Variants in KCNH8 observed in about 807,000 individuals in gnomAD.
KCNH8 encodes the protein voltage-gated delayed rectifier potassium channel KCNH8.
Under a neutral mutation model 103.6 loss-of-function variants are expected in KCNH8, and 70 were observed. That is an observed-to-expected ratio of 0.68 (90% CI 0.56 to 0.82). The LOEUF is 0.82. Ranked by LOEUF, KCNH8 falls within the 40% of genes least tolerant of loss-of-function variation. KCNH8 has a pLI of 0.00. For missense variants in KCNH8, 1,217 were observed against 1,329.9 expected, an observed-to-expected ratio of 0.92 and a Z score of 1.32; for synonymous variants, 498 against 489.4, an observed-to-expected ratio of 1.02 and a Z score of -0.23.
chr3:19,452,849 C>T (rs1310286601), intron 10 of KCNH8, among the ~76,000 whole-genome samples: 1 of 152,072 alleles, frequency 6.6e-6, no homozygotes, highest in African/African-American at 2.4e-5. Flanking sequence ...TTCAGCATTC[C>T]TTCCATGTCT....
chr3:19,149,714 T>G (rs2063110638), intron 1 of KCNH8, among the ~76,000 whole-genome samples: 2 of 152,174 alleles, frequency 1.3e-5, no homozygotes, highest in African/African-American at 4.8e-5. Context: ...CTCAGTTGGT[T>G]TCACTACGAA....
intron 1 of KCNH8, among the ~76,000 whole-genome samples, chr3:19,206,640 G>A (rs113522156): frequency 0.02 from 2,992 of 152,006 alleles, 95 homozygotes; most frequent in African/African-American, 0.067. Flanking sequence ...AGGATTTTGA[G>A]CAATATTTCT....
rs549246089 is a variant in KCNH8 at position 19,533,608 on chromosome 3, A to G, written c.2833A>G (p.Thr945Ala). The G allele has an allele frequency of 1.9e-6, 3 of 1,614,116 alleles. No individual in the cohort carries two copies. Among genetic ancestry groups the G allele is most frequent in the African/African-American group, 2.7e-5 (2 of 75,032 alleles). The change falls in exon 16 of 16, where the codon ACC becomes GCC. Residue 945 changes from threonine (T) to alanine (A), a missense_variant. Thr to Ala is a moderately conservative substitution (Grantham distance 58, BLOSUM62 0). Around this residue, in one of 3 missense-constraint regions of KCNH8, gnomAD observed 558 missense variants for 495.8 expected, o/e 1.13. Transcript: ENST00000328405. ...CTTGCAAACAGGCGGGGCTGCTTAT[A>G]CCCAAGCACAACTTTGTAGCAGTAA... is the stretch of plus-strand genomic sequence containing the variant. ...LHLQTGGAAY[T>A]QAQLCSSNIT...
chr3:19,499,317 A>G (rs1043055659), intron 11 of KCNH8, among the ~76,000 whole-genome samples: 4 of 152,330 alleles, frequency 2.6e-5, no homozygotes, highest in African/African-American at 4.8e-5. Flanking sequence ...CGTCTGATTG[A>G]TGTACCTGAA....
chr3:19,206,529 T>G (rs111631836), intron 1 of KCNH8, among the ~76,000 whole-genome samples: 2,981 of 151,838 alleles, frequency 0.02, 96 homozygotes, highest in African/African-American at 0.067. Context: ...GATAATGACA[T>G]AGTTAGTTTT....
At chr3:19,229,522 C>A (rs2063969124) in intron 1 of KCNH8, among the ~76,000 whole-genome samples, 1 of 152,244 alleles carries the variant, frequency 6.6e-6, no homozygotes, top group African/African-American at 2.4e-5. Flanking sequence ...TACATTGGCT[C>A]CTTTCAGCCA....
At chr3:19,360,019 T>A (rs1437232156) in intron 5 of KCNH8, among the ~76,000 whole-genome samples, 2 of 151,918 alleles carry the variant, frequency 1.3e-5, no homozygotes, top group African/African-American at 4.8e-5. Context: ...AAAACATACA[T>A]ATAAGAGTTA....
At chr3:19,469,758 C>G (rs992319280) in intron 11 of KCNH8, among the ~76,000 whole-genome samples, 2 of 152,158 alleles carry the variant, frequency 1.3e-5, no homozygotes, top group African/African-American at 4.8e-5. Flanking sequence ...AAATAAAGAT[C>G]AATTTGGACT....
At chr3:19,481,160 A>C (rs2068079000) in intron 11 of KCNH8, among the ~76,000 whole-genome samples, 1 of 152,080 alleles carries the variant, frequency 6.6e-6, no homozygotes, top group Admixed American at 6.6e-5. Flanking sequence ...TCAAGACTTC[A>C]TTGATTTTGT....
intron 7 of KCNH8, among the ~76,000 whole-genome samples, chr3:19,429,949 G>A (rs751403121): frequency 3.9e-5 from 6 of 152,056 alleles, no homozygotes; most frequent in African/African-American, 7.2e-5. Flanking sequence ...CTACATTTTC[G>A]TTATCCAGTC....
At chr3:19,405,695 A>G (rs1397545261) in intron 7 of KCNH8, among the ~76,000 whole-genome samples, 3 of 151,912 alleles carry the variant, frequency 2.0e-5, no homozygotes, top group African/African-American at 7.2e-5. Flanking sequence ...TAATAGAACA[A>G]TTCTTAACCT....
chr3:19,504,166 T>C (rs916883004), intron 11 of KCNH8, among the ~76,000 whole-genome samples: 3 of 152,078 alleles, frequency 2.0e-5, no homozygotes, highest in Admixed American at 6.6e-5. Context: ...TGGACCCCTT[T>C]CTTTCACCAT....
chr3:19,447,527 A>G (rs2067380471), intron 8 of KCNH8, among the ~76,000 whole-genome samples: 1 of 152,058 alleles, frequency 6.6e-6, no homozygotes, highest in African/African-American at 2.4e-5. Flanking sequence ...GTGTTAAAAT[A>G]AATGAAACAG....
At chr3:19,258,115 T>C (rs575127328) in intron 2 of KCNH8, among the ~76,000 whole-genome samples, 1 of 152,184 alleles carries the variant, frequency 6.6e-6, no homozygotes, top group South Asian at 2.1e-4. Context: ...GTAAAGACCC[T>C]ATCTTCAAAA....
At chr3:19,345,472 C>T (rs1273924468) in intron 4 of KCNH8, among the ~76,000 whole-genome samples, 1 of 152,028 alleles carries the variant, frequency 6.6e-6, no homozygotes, top group Admixed American at 6.6e-5. Context: ...GGAGGTTAAA[C>T]ATCTAAAACA....
chr3:19,501,860 T>G (rs921208642), intron 11 of KCNH8, among the ~76,000 whole-genome samples: 5 of 152,092 alleles, frequency 3.3e-5, no homozygotes, highest in African/African-American at 7.2e-5. Flanking sequence ...CTTTGAAAAC[T>G]GGCACAAGAC....
At chr3:19,471,115 G>T (rs895043605) in intron 11 of KCNH8, among the ~76,000 whole-genome samples, 1 of 152,160 alleles carries the variant, frequency 6.6e-6, no homozygotes, top group Non-Finnish European at 1.5e-5. Flanking sequence ...GGGAAAGGGA[G>T]AGAAAGAAAA....
chr3:19,526,801 T>C (rs906091734), intron 15 of KCNH8, among the ~76,000 whole-genome samples: 5 of 151,986 alleles, frequency 3.3e-5, no homozygotes, highest in African/African-American at 1.2e-4. Flanking sequence ...TTAGGGGCAA[T>C]TGATGAAAGT....
chr3:19,499,109 C>A (rs933384038), intron 11 of KCNH8, among the ~76,000 whole-genome samples: 5 of 152,264 alleles, frequency 3.3e-5, no homozygotes, highest in African/African-American at 9.6e-5. Context: ...GCTGATGGAG[C>A]TGAAAACCAA....
Sources: allele counts gnomAD v4.1 joint callset (sites outside exome capture counted in the v4.1 genomes callset), GRCh38; gene constraint gnomAD v4.1.1; regional missense constraint gnomAD v4.1.1; transcripts MANE v1.5; gene names NCBI Gene and HGNC (gene_info 2026-07-23, HGNC 2026-07-21).